Variants in AKT3 observed in about 807,000 individuals in gnomAD.
AKT3 encodes AKT serine/threonine kinase 3.
In AKT3, 15 loss-of-function variants were observed where a neutral mutation model predicts 65.3. The ratio of observed to expected loss-of-function variants is 0.23; its 90% CI spans 0.15 to 0.35. The LOEUF is 0.35. AKT3 is among the 10% of genes least tolerant of loss of function. The pLI is 1.00. For missense variants in AKT3, 243 were observed against 576.5 expected (o/e 0.42, Z 5.92); for synonymous variants, 206 against 183.8 (o/e 1.12, Z -0.98).
intron 1 of AKT3, among the ~76,000 whole-genome samples, chr1:243,844,667 T>TG (rs1186980755): frequency 6.6e-6 from 1 of 152,106 alleles, no homozygotes; most frequent in Non-Finnish European, 1.5e-5. Flanking sequence ...TTTGTGGAGA[T>TG]GGGGTCCCGC....
At chr1:243,695,347 G>C (rs1266062479) in intron 3 of AKT3, among the ~76,000 whole-genome samples, 2 of 151,672 alleles carry the variant, frequency 1.3e-5, no homozygotes, top group African/African-American at 2.4e-5. Context: ...TATGTATTTG[G>C]GGAATTATAT....
downstream of AKT3, among the ~76,000 whole-genome samples, chr1:243,496,791 AC>A (rs1215749122): frequency 2.0e-5 from 3 of 152,244 alleles, no homozygotes; most frequent in Non-Finnish European, 4.4e-5. Flanking sequence ...TCAGAACTTA[AC>A]AAACTTTAGA....
intron 2 of AKT3, among the ~76,000 whole-genome samples, chr1:243,830,099 A>T (rs1208853824): frequency 6.6e-6 from 1 of 152,184 alleles, no homozygotes; most frequent in Non-Finnish European, 1.5e-5. Flanking sequence ...CAGATCAAAA[A>T]TATTCAGGAA....
At chr1:243,586,522 T>C (rs1055531701) in intron 8 of AKT3, among the ~76,000 whole-genome samples, 3 of 152,146 alleles carry the variant, frequency 2.0e-5, no homozygotes, top group Non-Finnish European at 4.4e-5. Context: ...TATATATATA[T>C]ATGCCATGGA....
At chr1:243,694,350 T>C (rs1356124724) in intron 3 of AKT3, among the ~76,000 whole-genome samples, 1 of 152,134 alleles carries the variant, frequency 6.6e-6, no homozygotes, top group Non-Finnish European at 1.5e-5. Context: ...AAATACAATA[T>C]ATTATTTCAG....
intron 12 of AKT3, among the ~76,000 whole-genome samples, chr1:243,544,508 C>G (rs560544949): frequency 6.6e-6 from 1 of 152,090 alleles, no homozygotes; most frequent in African/African-American, 2.4e-5. Context: ...GTCCGAGCTA[C>G]TTGGTAGGCT....
intron 9 of AKT3, among the ~76,000 whole-genome samples, chr1:243,565,787 G>A (rs1221408568): frequency 1.3e-5 from 2 of 151,982 alleles, no homozygotes; most frequent in Non-Finnish European, 2.9e-5. Flanking sequence ...TTGCCATAAT[G>A]AGAAACGTTA....
intron 7 of AKT3, among the ~76,000 whole-genome samples, chr1:243,613,973 A>G (rs1436984240): frequency 1.3e-5 from 2 of 152,252 alleles, no homozygotes; most frequent in Middle Eastern, 3.2e-3. Context: ...AATTTCAAGT[A>G]AAAGTAAACT....
intron 6 of AKT3, among the ~76,000 whole-genome samples, chr1:243,627,187 A>G (rs749549569): frequency 6.6e-6 from 1 of 152,162 alleles, no homozygotes; most frequent in Non-Finnish European, 1.5e-5. Context: ...TTCTCAAAAT[A>G]AAACAATCTA....
intron 3 of AKT3, among the ~76,000 whole-genome samples, chr1:243,675,393 G>T (rs1293372341): frequency 1.3e-5 from 2 of 152,132 alleles, no homozygotes; most frequent in African/African-American, 4.8e-5. Context: ...TAGAGACGGG[G>T]TTTCACCATG....
At chr1:243,554,655 C>T (rs1175428798) in intron 10 of AKT3, among the ~76,000 whole-genome samples, 1 of 152,146 alleles carries the variant, frequency 6.6e-6, no homozygotes, top group African/African-American at 2.4e-5. Context: ...GGGCCTTTAT[C>T]TAATTGACAC....
chr1:243,837,845 C>G (rs528750686), intron 2 of AKT3, among the ~76,000 whole-genome samples: 1 of 152,170 alleles, frequency 6.6e-6, no homozygotes, highest in Non-Finnish European at 1.5e-5. Flanking sequence ...AATATCCACT[C>G]TTACCACTTT....
intron 8 of AKT3, among the ~76,000 whole-genome samples, chr1:243,585,496 T>C (rs554641290): frequency 1.3e-5 from 2 of 151,928 alleles, no homozygotes; most frequent in South Asian, 4.2e-4. Context: ...AACCATACTA[T>C]AAAGCTACAG....
At chr1:243,778,204 G>A (rs1421078942) in intron 2 of AKT3, among the ~76,000 whole-genome samples, 1 of 152,082 alleles carries the variant, frequency 6.6e-6, no homozygotes, top group Non-Finnish European at 1.5e-5. Flanking sequence ...ATACATTAAT[G>A]CTTTTCTACT....
At chr1:243,553,259 T>C (rs943637077) in intron 10 of AKT3, among the ~76,000 whole-genome samples, 5 of 152,224 alleles carry the variant, frequency 3.3e-5, no homozygotes, top group Admixed American at 6.5e-5. Flanking sequence ...ACATATTTTT[T>C]CTTAGGCCTA....
intron 2 of AKT3, among the ~76,000 whole-genome samples, chr1:243,713,484 C>A (rs950385955): frequency 3.9e-5 from 6 of 152,144 alleles, no homozygotes; most frequent in Non-Finnish European, 7.4e-5. Context: ...CATCATAAAC[C>A]GTCTCAAGTT....
Position 243,609,728 on chromosome 1 carries a change from A to C in AKT3, c.696+3943T>G, listed in dbSNP as rs570985387. 5.9e-4 allele frequency among the ~76,000 whole-genome samples: 90 copies of C among 152,338 alleles called. 1 individual carries two copies. Among genetic ancestry groups the C allele is most frequent in the Admixed American group, 5.4e-3 (83 of 15,294 alleles). The stretch of plus-strand genomic sequence containing the variant: ...CCAATCCAAAACAGAAATTCTGAAG[A>C]AAAACAAAGATATGCTGAACAAGAA... On this transcript the variant is annotated intron_variant, in intron 8 of 13. Coordinates refer to ENST00000673466, the MANE Select transcript of AKT3 (RefSeq NM_005465.7).
At chr1:243,735,510 G>C (rs1387812906) in intron 2 of AKT3, 1 of 152,118 alleles carries the variant, frequency 6.6e-6, no homozygotes, top group Non-Finnish European at 1.5e-5. Context: ...CATACCAAAA[G>C]CAATTTGTAA....
rs568297687 is a variant in AKT3 at position 243,686,880 on chromosome 1, C to CT, written c.172+8710dup. On this transcript the variant is annotated intron_variant, in intron 3 of 13. Transcript: ENST00000673466. ...GGGTTTCATCATGTTGGCCAGGCTGCTCTCAAATTCCTGACCTCAAGTGAT... is the reference window on the plus strand; with the variant it reads ...GGGTTTCATCATGTTGGCCAGGCTGCTTCTCAAATTCCTGACCTCAAGTGAT... 3.6e-3 allele frequency among the ~76,000 whole-genome samples: 546 copies of CT among 150,414 alleles called. 2 individuals are homozygous for CT. Among genetic ancestry groups the CT allele is most frequent in the Admixed American group, 6.1e-3 (91 of 14,990 alleles).
Sources: gnomAD v4.1 joint callset for allele counts (sites outside exome capture counted in the v4.1 genomes callset) on GRCh38, gnomAD v4.1.1 for gene constraint, MANE v1.5 for transcripts, NCBI Gene and HGNC (gene_info 2026-07-23, HGNC 2026-07-21) for gene names.